Variants in EIF5B observed in about 807,000 individuals in gnomAD.
EIF5B encodes eukaryotic translation initiation factor 5B.
Under a neutral mutation model 147.5 loss-of-function variants are expected in EIF5B, and 47 were observed. The observed-to-expected ratio is 0.32, with a 90% CI of 0.25 to 0.41. The LOEUF (loss-of-function observed/expected upper bound fraction) is 0.41, where lower values mean the gene tolerates loss of function less well. EIF5B is among the 10% of genes least tolerant of loss of function. The pLI, the probability that EIF5B is intolerant of heterozygous loss-of-function variation, is 1.00. For missense variants in EIF5B, 1,064 were observed against 1,413.2 expected (o/e 0.75, Z 3.96); for synonymous variants, 455 against 456.2 (o/e 1.00, Z 0.03).
At chr2:99,346,702 C>G (rs1472574611) in intron 1 of EIF5B, among the ~76,000 whole-genome samples, 3 of 141,104 alleles carry the variant, frequency 2.1e-5, no homozygotes, top group Non-Finnish European at 4.5e-5. Flanking sequence ...TCTCGAGTAG[C>G]TGGCACTACA....
chr2:99,346,731 CA>C (rs1198622315), intron 1 of EIF5B, among the ~76,000 whole-genome samples: 1 of 151,310 alleles, frequency 6.6e-6, no homozygotes, highest in Non-Finnish European at 1.5e-5. Context: ...CCACCACGCC[CA>C]GATAATTTTT....
intron 13 of EIF5B, 34 bp downstream of exon 13, chr2:99,382,260 A>G: frequency 1.9e-6 from 3 of 1,574,498 alleles, no homozygotes; most frequent in South Asian, 1.1e-5. Context: ...TCATCAAGCA[A>G]TCTACTTGAA....
At chr2:99,379,155 A>C (rs753955327) in intron 11 of EIF5B, 29 bp downstream of exon 11, 4 of 1,553,120 alleles carry the variant, frequency 2.6e-6, no homozygotes, top group Non-Finnish European at 3.5e-6. Context: ...TATTGATAGA[A>C]CTTTGAAAAT....
intron 1 of EIF5B, 140 bp from the exon 2 acceptor site, chr2:99,360,096 G>T (rs1167574939): frequency 1.0e-6 from 1 of 986,064 alleles, no homozygotes; most frequent in Non-Finnish European, 1.4e-6. Flanking sequence ...TGTAACTTGT[G>T]TTGTAATGAA....
chr2:99,369,812 T>TAA (rs2104198567), intron 8 of EIF5B, among the ~76,000 whole-genome samples: 1 of 152,126 alleles, frequency 6.6e-6, no homozygotes, highest in South Asian at 2.1e-4. Flanking sequence ...CCATCTCTAC[T>TAA]AAAAATACAA....
In EIF5B at chr2:99,350,668, GAT is replaced by G. The variant is rs1221440703; in HGVS notation, c.36-9562_36-9561del. Among the ~76,000 whole-genome samples the G allele has an allele frequency of 2.6e-5, 4 of 152,096 alleles. No homozygotes were observed. In the South Asian group the frequency reaches 6.2e-4, roughly 24 times the overall value. On this transcript the variant is annotated intron_variant, in intron 1 of 23. Transcript: ENST00000289371. The stretch of plus-strand genomic sequence containing the variant: ...TATTCTGGATATTAACCCCTTGTTA[GAT>G]ATATAGTTTGTGAATATTTTCTCCC...
At chr2:99,339,005 C>CAAATATATAT (rs1559240268) in intron 1 of EIF5B, among the ~76,000 whole-genome samples, 1 of 57,586 alleles carries the variant, frequency 1.7e-5, no homozygotes, top group Non-Finnish European at 4.7e-5. Context: ...TATATATATA[C>CAAATATATAT]ATTTTTTTTT....
In EIF5B at chr2:99,399,704, T is replaced by C; in HGVS notation, c.*290T>C. On this transcript the variant is annotated 3_prime_UTR_variant, in exon 24 of 24. Coordinates refer to ENST00000289371, the MANE Select transcript of EIF5B (RefSeq NM_015904.4). ...TTTTAAAGTTTGCCCTTCCCCAAAT[T>C]TGGATTTTTATTACAGATCTAAAGC... 3.1e-6 allele frequency: 1 copy of C among 317,858 alleles called. No homozygotes were observed. 19.7% of individuals were successfully genotyped at this position (317,858 alleles called of 1,614,324 possible). A position where few individuals can be genotyped will look rare whatever the true frequency, so the allele number is the denominator to read the frequency against.
chr2:99,381,168 A>G (rs1426277302), intron 12 of EIF5B, among the ~76,000 whole-genome samples: 5 of 152,110 alleles, frequency 3.3e-5, no homozygotes, highest in Non-Finnish European at 5.9e-5. Context: ...TTTTCATCCT[A>G]TTTTAAACAG....
chr2:99,346,433 T>C (rs886094955), intron 1 of EIF5B, among the ~76,000 whole-genome samples: 1 of 152,118 alleles, frequency 6.6e-6, no homozygotes, highest in East Asian at 1.9e-4. Flanking sequence ...TATTAATGAT[T>C]TATTAATATT....
intron 22 of EIF5B, chr2:99,398,055 C>G (rs760021585): frequency 2.0e-5 from 3 of 152,088 alleles, no homozygotes; most frequent in Admixed American, 6.6e-5. Context: ...CATCATCTTC[C>G]TTTCTGGTTG....
chr2:99,345,380 C>T (rs1272421498), intron 1 of EIF5B, among the ~76,000 whole-genome samples: 1 of 151,722 alleles, frequency 6.6e-6, no homozygotes, highest in East Asian at 1.9e-4. Flanking sequence ...ATCAGTTGAG[C>T]GTAGGAGTTG....
intron 1 of EIF5B, among the ~76,000 whole-genome samples, chr2:99,350,414 T>C (rs1000172480): frequency 2.6e-5 from 4 of 152,182 alleles, no homozygotes; most frequent in Non-Finnish European, 4.4e-5. Flanking sequence ...CAGTATATAA[T>C]AGTTCTCCTT....
At position 99,391,103 on chromosome 2, in the gene EIF5B, C is replaced by T. The variant is rs532992681; in HGVS notation, c.2748+398C>T. Among the ~76,000 whole-genome samples the T allele has an allele frequency of 4.5e-3, 680 of 152,232 alleles. 4 individuals carry two copies. Among genetic ancestry groups the T allele is most frequent in the South Asian group, 8.7e-3 (42 of 4,816 alleles). Reference sequence around the variant, plus strand: ...AAGCCTTACCAATCACATACACAGTCGACTAACATGTTTTGTATGTTTTAT... The same window carrying T: ...AAGCCTTACCAATCACATACACAGTTGACTAACATGTTTTGTATGTTTTAT... On this transcript the variant is annotated intron_variant, in intron 17 of 23. Transcript: ENST00000289371.
At chr2:99,361,036 A>G in intron 3 of EIF5B, 112 bp from the exon 4 acceptor site, 1 of 1,105,292 alleles carries the variant, frequency 9.0e-7, no homozygotes, top group Non-Finnish European at 1.2e-6. Flanking sequence ...AGACTTTGAA[A>G]AAGATTTTGA....
At chr2:99,394,958 C>A in intron 21 of EIF5B, 75 bp downstream of exon 21, 1 of 1,327,330 alleles carries the variant, frequency 7.5e-7, no homozygotes, top group Non-Finnish European at 1.0e-6. Flanking sequence ...CCAGAAAGGG[C>A]TGTAAACAGC....
At chr2:99,371,511 T>G (rs1229448992) in intron 8 of EIF5B, 145 bp from the exon 9 acceptor site, 1 of 586,632 alleles carries the variant, frequency 1.7e-6, no homozygotes, top group Admixed American at 3.3e-5. Context: ...AAAAAGATAG[T>G]TCTAAAGATA....
At position 99,382,978 on chromosome 2, in the gene EIF5B, A is replaced by T. The variant is rs1056570718; in HGVS notation, c.2271+57A>T. 7 of 1,512,922 alleles carry T rather than the reference A, an allele frequency of 4.6e-6. No homozygotes were observed. In the African/African-American group the frequency reaches 9.8e-5, roughly 21 times the overall value. The allele number at this position is 1,512,922 out of a possible 1,614,324, so 93.7% of individuals were successfully genotyped here. Reference sequence around the variant, plus strand: ...AAAACATGTTTCTTAATTTTTTGTGATTAAAAAAAGTAGTATAATTAACTT... The same window carrying T: ...AAAACATGTTTCTTAATTTTTTGTGTTTAAAAAAAGTAGTATAATTAACTT... On this transcript the variant is annotated intron_variant, in intron 14 of 23. Transcript: ENST00000289371.
At chr2:99,378,032 T>C (rs1293336340) in intron 10 of EIF5B, among the ~76,000 whole-genome samples, 4 of 152,166 alleles carry the variant, frequency 2.6e-5, no homozygotes, top group Non-Finnish European at 5.9e-5. Context: ...AAAGTCATGA[T>C]GTTTGAATTT....
Sources: allele counts gnomAD v4.1 joint callset (sites outside exome capture counted in the v4.1 genomes callset), GRCh38; gene constraint gnomAD v4.1.1; transcripts MANE v1.5; gene names NCBI Gene and HGNC (gene_info 2026-07-23, HGNC 2026-07-21).